The following AGBL4 variants were observed in gnomAD, a reference collection of about 807,000 sequenced individuals.
AGBL4 encodes AGBL carboxypeptidase 4, also known as cytosolic carboxypeptidase 6.
In AGBL4, 58 loss-of-function variants were observed where a neutral mutation model predicts 66.4. The ratio of observed to expected loss-of-function variants is 0.87; its 90% CI spans 0.71 to 1.09. The LOEUF (loss-of-function observed/expected upper bound fraction) is 1.09. Ranked by LOEUF, AGBL4 falls within the 50% of genes least tolerant of loss-of-function variation. The pLI is 0.00. For synonymous variants in AGBL4, 234 were observed against 222.9 expected, an observed-to-expected ratio of 1.05 and a Z score of -0.44; for missense variants, 579 against 631.0, an observed-to-expected ratio of 0.92 and a Z score of 0.88.
At chr1:49,157,608 T>G (rs12119454) in intron 4 of AGBL4, among the ~76,000 whole-genome samples, 15,392 of 152,122 alleles carry the variant, frequency 0.1, 1,251 homozygotes, top group African/African-American at 0.22. Context: ...GTAATGGGAT[T>G]CCTGGGTCAA....
intron 1 of AGBL4, among the ~76,000 whole-genome samples, chr1:49,988,020 T>C (rs1659645903): frequency 6.6e-6 from 1 of 151,782 alleles, no homozygotes; most frequent in Admixed American, 6.6e-5. Flanking sequence ...TAGAATTTAT[T>C]TAAGGGAAGA....
At chr1:48,568,545 T>A (rs1456348066) in intron 11 of AGBL4, among the ~76,000 whole-genome samples, 2 of 152,176 alleles carry the variant, frequency 1.3e-5, no homozygotes, top group Non-Finnish European at 2.9e-5. Flanking sequence ...AAGGCCTCCA[T>A]CTGAGTTAGT....
intron 2 of AGBL4, among the ~76,000 whole-genome samples, chr1:49,787,878 G>A (rs539423192): frequency 1.3e-5 from 2 of 151,778 alleles, no homozygotes; most frequent in Non-Finnish European, 2.9e-5. Context: ...CCTTTTTTGC[G>A]GGGAAGGGGG....
At chr1:49,390,681 T>C (rs1190848149) in intron 3 of AGBL4, among the ~76,000 whole-genome samples, 2 of 152,204 alleles carry the variant, frequency 1.3e-5, no homozygotes, top group Admixed American at 6.5e-5. Flanking sequence ...AAGTCTATAT[T>C]CTTTCTACCA....
At chr1:49,144,967 G>T (rs1288784943) in intron 4 of AGBL4, among the ~76,000 whole-genome samples, 1 of 152,154 alleles carries the variant, frequency 6.6e-6, no homozygotes, top group African/African-American at 2.4e-5. Context: ...CAGAACAGAA[G>T]ATGTGGGAGA....
chr1:48,628,153 C>A lies in AGBL4; in HGVS notation c.951+6340G>T, dbSNP rs115862406. Among the ~76,000 whole-genome samples the A allele has an allele frequency of 4.8e-3, 736 of 152,298 alleles. 4 individuals carry two copies. The highest frequency in any genetic ancestry group is 0.017 in the African/African-American group (697 of 41,540). On this transcript the variant is annotated intron_variant, in intron 9 of 13. Coordinates refer to ENST00000371839, the MANE Select transcript of AGBL4 (RefSeq NM_032785.4). Reference sequence around the variant, plus strand: ...AAGGTGCTGAATGAAATGAATAGGGCATGTTTTTGAGCAGCATGCCAGGGA... The same window carrying A: ...AAGGTGCTGAATGAAATGAATAGGGAATGTTTTTGAGCAGCATGCCAGGGA...
At chr1:48,744,342 T>C (rs1650397582) in intron 6 of AGBL4, among the ~76,000 whole-genome samples, 1 of 152,260 alleles carries the variant, frequency 6.6e-6, no homozygotes, top group South Asian at 2.1e-4. Context: ...TTCTTCTCTC[T>C]GTGTGGGATC....
At chr1:49,077,220 A>C (rs1015483359) in intron 4 of AGBL4, among the ~76,000 whole-genome samples, 2 of 151,696 alleles carry the variant, frequency 1.3e-5, no homozygotes, top group African/African-American at 4.9e-5. Flanking sequence ...CAGTGAATAA[A>C]TTAATTAATG....
chr1:48,777,497 T>TG (rs1409660100), intron 6 of AGBL4, among the ~76,000 whole-genome samples: 68 of 151,612 alleles, frequency 4.5e-4, no homozygotes, highest in African/African-American at 1.6e-3. Context: ...GCTTTCTTTC[T>TG]TTTTGTTTGT....
At chr1:49,150,485 C>T (rs1387029195) in intron 4 of AGBL4, among the ~76,000 whole-genome samples, 1 of 152,124 alleles carries the variant, frequency 6.6e-6, no homozygotes, top group African/African-American at 2.4e-5. Context: ...ATTGACTTGT[C>T]TTTAAGAGGA....
At chr1:49,897,574 T>A (rs1012695198) in intron 1 of AGBL4, among the ~76,000 whole-genome samples, 1 of 151,832 alleles carries the variant, frequency 6.6e-6, no homozygotes, top group Admixed American at 6.6e-5. Context: ...CAAAATATAA[T>A]GACATTCTTC....
At chr1:49,057,239 A>G (rs912920499) in intron 4 of AGBL4, among the ~76,000 whole-genome samples, 6 of 152,098 alleles carry the variant, frequency 3.9e-5, no homozygotes, top group Admixed American at 1.3e-4. Flanking sequence ...TGTCTCTACC[A>G]AAAGAGAAAA....
intron 3 of AGBL4, among the ~76,000 whole-genome samples, chr1:49,603,589 G>T (rs1169313565): frequency 6.6e-6 from 1 of 151,282 alleles, no homozygotes; most frequent in Non-Finnish European, 1.5e-5. Flanking sequence ...TAAATAGAAA[G>T]GGAAGAGTTT....
intron 3 of AGBL4, among the ~76,000 whole-genome samples, chr1:49,328,494 G>T (rs906573558): frequency 6.6e-6 from 1 of 152,152 alleles, no homozygotes; most frequent in Non-Finnish European, 1.5e-5. Flanking sequence ...TATTAATGGG[G>T]TCTAGTCCTC....
In AGBL4 at chr1:49,724,107, G is replaced by A. The variant is rs375252214; in HGVS notation, c.158-26670C>T. Among the ~76,000 whole-genome samples, 50 of 152,156 alleles carry A rather than the reference G, an allele frequency of 3.3e-4. 1 individual carries two copies. In the South Asian group the frequency reaches 9.6e-3, roughly 29 times the overall value. On this transcript the variant is annotated intron_variant, in intron 2 of 13. Transcript: ENST00000371839. ...ATTATTTAGTTTTCCACTTTTCTTT[G>A]AGATTTTGGAACTCTCAGCAAGTAG...
At chr1:49,719,834 G>A (rs969309473) in intron 2 of AGBL4, among the ~76,000 whole-genome samples, 18 of 151,968 alleles carry the variant, frequency 1.2e-4, no homozygotes, top group African/African-American at 1.7e-4. Flanking sequence ...GAGATCTGAC[G>A]GTTTCATAAG....
intron 3 of AGBL4, among the ~76,000 whole-genome samples, chr1:49,468,434 T>G (rs1049826600): frequency 4.0e-5 from 6 of 151,810 alleles, no homozygotes; most frequent in African/African-American, 1.4e-4. Context: ...GTTGAAATTC[T>G]GAAAGATCAA....
chr1:48,803,891 T>C (rs527734570), intron 6 of AGBL4, among the ~76,000 whole-genome samples: 63 of 152,326 alleles, frequency 4.1e-4, no homozygotes, highest in Non-Finnish European at 7.9e-4. Flanking sequence ...GCACTTAGGC[T>C]CTGGAATGAT....
At chr1:49,513,003 C>G (rs1257005253) in intron 3 of AGBL4, among the ~76,000 whole-genome samples, 1 of 151,922 alleles carries the variant, frequency 6.6e-6, no homozygotes, top group Non-Finnish European at 1.5e-5. Flanking sequence ...TATAGACTGA[C>G]CAGGAATAAC....
Sources: gnomAD v4.1 joint callset for allele counts (sites outside exome capture counted in the v4.1 genomes callset) on GRCh38, gnomAD v4.1.1 for gene constraint, MANE v1.5 for transcripts, NCBI Gene and HGNC (gene_info 2026-07-23, HGNC 2026-07-21) for gene names.